The following EXT1 variants were observed in gnomAD, a reference collection of about 807,000 sequenced individuals.
The protein encoded by EXT1 is exostosin-1.
A neutral mutation model predicts 82.5 loss-of-function variants in EXT1; 20 were observed. The ratio of observed to expected loss-of-function variants is 0.24; its 90% confidence interval spans 0.17 to 0.35. The LOEUF (loss-of-function observed/expected upper bound fraction) is 0.35, where lower values mean the gene tolerates loss of function less well. Among genes scored for constraint, EXT1 ranks in the 10% least tolerant of loss-of-function variants. The probability of loss-of-function intolerance (pLI) is 1.00; values close to 1 mark genes in which losing one functional copy is unlikely to be tolerated. For synonymous variants in EXT1, 348 were observed against 350.8 expected, an observed-to-expected ratio of 0.99 and a Z score of 0.09; for missense variants, 757 against 936.5, an observed-to-expected ratio of 0.81 and a Z score of 2.50.
At chr8:117,843,124 T>G (rs1034404533) in intron 1 of EXT1, among the ~76,000 whole-genome samples, 5 of 152,052 alleles carry the variant, frequency 3.3e-5, no homozygotes, top group Non-Finnish European at 5.9e-5. Context: ...AGAAAGAAAA[T>G]AAAAATAATT....
chr8:117,837,318 A>G (rs1812204393), intron 1 of EXT1, 117 bp from the exon 2 acceptor site: 2 of 792,954 alleles, frequency 2.5e-6, no homozygotes, highest in Non-Finnish European at 4.4e-6. Context: ...GAAAGCCACC[A>G]GCAGGCAGCT....
rs28357274 is a variant in EXT1 at position 117,903,439 on chromosome 8, T to C, written c.963-66238A>G. ...ACTCTCATTTTCCACTTAAAAACTC[T>C]ATGTTTATTGTTAATGTATTAGAAC... On this transcript the variant is annotated intron_variant, in intron 1 of 10. Transcript: ENST00000378204. 1.7e-4 allele frequency among the ~76,000 whole-genome samples: 26 copies of C among 152,302 alleles called. No individual in the cohort carries two copies. The East Asian group carries it at 2.5e-3, about 15-fold the overall frequency.
rs17504827 is a variant in EXT1 at position 117,950,768 on chromosome 8, G to T, written c.963-113567C>A. ...AGATGGACTATGAAATGTACACAAA[G>T]ATGTTATTCAAGTTCACCTTGATTG... On this transcript the variant is annotated intron_variant, in intron 1 of 10. Transcript: ENST00000378204. 9.4e-3 allele frequency among the ~76,000 whole-genome samples: 1,437 copies of T among 152,288 alleles called. 26 individuals are homozygous for T. Among genetic ancestry groups the T allele is most frequent in the African/African-American group, 0.032 (1,344 of 41,550 alleles).
At chr8:117,828,169 A>G (rs1462316849) in intron 4 of EXT1, among the ~76,000 whole-genome samples, 4 of 152,174 alleles carry the variant, frequency 2.6e-5, no homozygotes, top group Admixed American at 6.5e-5. Flanking sequence ...AAATGAATAT[A>G]TATGTTTGTG....
At chr8:117,942,216 T>C (rs1328836572) in intron 1 of EXT1, among the ~76,000 whole-genome samples, 1 of 152,192 alleles carries the variant, frequency 6.6e-6, no homozygotes, top group Non-Finnish European at 1.5e-5. Context: ...AATCAGACCT[T>C]TTGCTGCATC....
intron 1 of EXT1, among the ~76,000 whole-genome samples, chr8:117,918,690 A>T (rs6469718): frequency 6.6e-6 from 1 of 152,002 alleles, no homozygotes; most frequent in Non-Finnish European, 1.5e-5. Flanking sequence ...GAGAGGCTGC[A>T]TGGAGGCGAA....
At chr8:118,021,317 T>C (rs1342028620) in intron 1 of EXT1, among the ~76,000 whole-genome samples, 1 of 152,232 alleles carries the variant, frequency 6.6e-6, no homozygotes, top group East Asian at 1.9e-4. Context: ...CAAAGTCTTA[T>C]GAAACTACTT....
intron 4 of EXT1, among the ~76,000 whole-genome samples, chr8:117,826,754 C>T (rs777099542): frequency 4.0e-5 from 6 of 151,702 alleles, no homozygotes; most frequent in Non-Finnish European, 8.8e-5. Flanking sequence ...GCTATAAATT[C>T]GAATGAAGTG....
chr8:118,047,898 C>T (rs6997001), intron 1 of EXT1, among the ~76,000 whole-genome samples: 58,954 of 151,688 alleles, frequency 0.39, 11,997 homozygotes, highest in Middle Eastern at 0.51. Context: ...TCAATCAATA[C>T]CTAGCATGGT....
At chr8:117,921,704 T>C (rs1813860567) in intron 1 of EXT1, among the ~76,000 whole-genome samples, 1 of 152,210 alleles carries the variant, frequency 6.6e-6, no homozygotes, top group South Asian at 2.1e-4. Context: ...ACAGGGAGTC[T>C]TTTTTCCAAA....
At chr8:117,801,788 G>A (rs551972637) in intron 10 of EXT1, among the ~76,000 whole-genome samples, 1 of 152,290 alleles carries the variant, frequency 6.6e-6, no homozygotes, top group East Asian at 1.9e-4. Context: ...TTATAGGCAT[G>A]AGCCACTGTG....
intron 1 of EXT1, among the ~76,000 whole-genome samples, chr8:117,845,779 C>T (rs1812348190): frequency 6.6e-6 from 1 of 152,026 alleles, no homozygotes. Context: ...AACAACAATA[C>T]CTCCACTTTT....
chr8:118,020,315 G>A (rs1816077718), intron 1 of EXT1, among the ~76,000 whole-genome samples: 1 of 152,162 alleles, frequency 6.6e-6, no homozygotes, highest in African/African-American at 2.4e-5. Context: ...GCTAGAATTA[G>A]AAGGAACTAC....
At chr8:117,906,814 A>G (rs1282364560) in intron 1 of EXT1, among the ~76,000 whole-genome samples, 2 of 152,224 alleles carry the variant, frequency 1.3e-5, no homozygotes, top group African/African-American at 4.8e-5. Flanking sequence ...TGGTGGCATG[A>G]GCAGGTGTCA....
At chr8:118,002,381 C>CAAA (rs772109456) in intron 1 of EXT1, among the ~76,000 whole-genome samples, 1,742 of 60,114 alleles carry the variant, frequency 0.029, 34 homozygotes, top group African/African-American at 0.045. Context: ...ACTCCGTCTC[C>CAAA]AAAAAAAAAA....
In EXT1 at chr8:117,911,823, C is replaced by T. The variant is rs1331465076; in HGVS notation, c.963-74622G>A. ...CATGACACTTTATTCTAGTACTTAG[C>T]TTGATGCCTTCTGCAGAGCAAGCAC... On this transcript the variant is annotated intron_variant, in intron 1 of 10. Transcript: ENST00000378204. Among the ~76,000 whole-genome samples the T allele has an allele frequency of 2.6e-5, 4 of 152,176 alleles. No individual in the cohort carries two copies. In the East Asian group the frequency reaches 7.7e-4, roughly 29 times the overall value.
intron 5 of EXT1, among the ~76,000 whole-genome samples, chr8:117,821,154 A>T (rs548726500): frequency 2.8e-4 from 43 of 152,356 alleles, no homozygotes; most frequent in African/African-American, 9.4e-4. Context: ...TACTGATGGG[A>T]TAAAGGCTAG....
At chr8:118,069,070 T>C (rs531667326) in intron 1 of EXT1, among the ~76,000 whole-genome samples, 2 of 152,286 alleles carry the variant, frequency 1.3e-5, no homozygotes, top group South Asian at 4.2e-4. Context: ...TAAATGGCAG[T>C]TCTTATTTAC....
At chr8:117,847,829 C>T (rs1812387402) in intron 1 of EXT1, among the ~76,000 whole-genome samples, 1 of 152,230 alleles carries the variant, frequency 6.6e-6, no homozygotes, top group South Asian at 2.1e-4. Context: ...CCGTGACCTG[C>T]ATTCTTGTCA....
Sources: gnomAD v4.1 joint callset for allele counts (sites outside exome capture counted in the v4.1 genomes callset) on GRCh38, gnomAD v4.1.1 for gene constraint, MANE v1.5 for transcripts, NCBI Gene and HGNC (gene_info 2026-07-23, HGNC 2026-07-21) for gene names.